CCDC13: variants seen among roughly 807,000 people sequenced by gnomAD.
CCDC13 encodes the protein coiled-coil domain containing 13, also known as coiled-coil domain-containing protein 13.
In CCDC13, 70 loss-of-function variants were observed where a neutral mutation model predicts 87.3. That is an observed-to-expected ratio of 0.80 (90% CI 0.66 to 0.98). CCDC13 has a LOEUF of 0.98. CCDC13 is among the 50% of genes least tolerant of loss of function. The pLI is 0.00. For synonymous variants in CCDC13, 317 were observed against 360.3 expected, an observed-to-expected ratio of 0.88 and a Z score of 1.36; for missense variants, 842 against 892.0, an observed-to-expected ratio of 0.94 and a Z score of 0.71.
At chr3:42,762,431 T>C (rs1699852652) in intron 1 of CCDC13, among the ~76,000 whole-genome samples, 1 of 152,212 alleles carries the variant, frequency 6.6e-6, no homozygotes, top group Non-Finnish European at 1.5e-5. Context: ...TTCCAGTCCA[T>C]GTTAATTAAC....
chr3:42,761,859 T>C (rs917628987), intron 1 of CCDC13, among the ~76,000 whole-genome samples: 1 of 152,216 alleles, frequency 6.6e-6, no homozygotes, highest in Non-Finnish European at 1.5e-5. Flanking sequence ...TAAATCTTGC[T>C]GGTCCTCCTA....
chr3:42,747,395 G>A, intron 5 of CCDC13, 22 bp from the exon 6 acceptor site: 1 of 1,532,662 alleles, frequency 6.5e-7, no homozygotes, highest in Non-Finnish European at 9.0e-7. Flanking sequence ...GGACAGGAGA[G>A]AAAGTAGTCA....
chr3:42,773,028 T>C (rs1559670494), intron 1 of CCDC13, 148 bp downstream of exon 1: 1 of 151,732 alleles, frequency 6.6e-6, no homozygotes, highest in Non-Finnish European at 1.5e-5. Context: ...AGGGGAAGAG[T>C]CCTCGCTGGG....
At chr3:42,711,786 C>A (rs1698319291) in intron 14 of CCDC13, among the ~76,000 whole-genome samples, 1 of 152,164 alleles carries the variant, frequency 6.6e-6, no homozygotes, top group South Asian at 2.1e-4. Flanking sequence ...ACCAGAGGGG[C>A]AGGATTTTGC....
rs759505667 is a variant in CCDC13, at chr3:42,742,958, C to T, written c.925G>A (p.Ala309Thr). The T allele has an allele frequency of 3.0e-5, 49 of 1,614,062 alleles. No individual in the cohort carries two copies. Among genetic ancestry groups the T allele is most frequent in the Non-Finnish European group, 3.9e-5 (46 of 1,180,016 alleles). Residue 309 changes from alanine (A) to threonine (T), a missense_variant, in exon 8 of 16, where the codon GCA becomes ACA. Physicochemically the swap from Ala to Thr is moderately conservative, Grantham distance 58 (BLOSUM62 0). Coordinates refer to ENST00000310232, the MANE Select transcript of CCDC13 (RefSeq NM_144719.4). ...SVYPDPRKLS[A>T]QEKNLLRIRS... Reference sequence around the variant, plus strand: ...ATCCTCAGCAGGTTTTTCTCCTGTGCCGACAGCTTCCTTGGGTCTGGATAG... The same window carrying T: ...ATCCTCAGCAGGTTTTTCTCCTGTGTCGACAGCTTCCTTGGGTCTGGATAG...
At position 42,730,490 on chromosome 3, in the gene CCDC13, C is replaced by G. The variant is rs544603189; in HGVS notation, c.1695G>C (p.Glu565Asp). The change falls in exon 13 of 16, where the codon GAG becomes GAC. Residue 565 changes from glutamate to aspartate, a missense_variant. By Grantham distance (45) the Glu-to-Asp change is conservative. Transcript: ENST00000310232. ...ACCGTTTCTGCAGGACAGTGACAAA[C>G]TCGGTGAGCCGGTCACGCTCCACCT... is the stretch of plus-strand genomic sequence containing the variant. ...AAEVERDRLTEFVTVLQKRVE... is the reference protein window; with the variant it reads ...AAEVERDRLTDFVTVLQKRVE... The G allele has an allele frequency of 1.2e-6, 2 of 1,614,098 alleles. No individual in the cohort carries two copies. The highest frequency in any genetic ancestry group is 8.5e-7 in the Non-Finnish European group (1 of 1,179,944).
chr3:42,742,657 C>G (rs565522605), intron 8 of CCDC13, among the ~76,000 whole-genome samples: 42 of 152,284 alleles, frequency 2.8e-4, no homozygotes, highest in Non-Finnish European at 5.3e-4. Flanking sequence ...ACCTCCAAAA[C>G]AGCCAGGATG....
chr3:42,743,610 C>CACACACACACAT (rs1261467201), intron 7 of CCDC13, among the ~76,000 whole-genome samples: 1,158 of 87,436 alleles, frequency 0.013, 30 homozygotes, highest in African/African-American at 0.053. Context: ...TACACACACA[C>CACACACACACAT]ATATATATAT....
chr3:42,772,226 C>T (rs1370571659), intron 1 of CCDC13, among the ~76,000 whole-genome samples: 1 of 141,146 alleles, frequency 7.1e-6, no homozygotes, highest in African/African-American at 2.7e-5. Flanking sequence ...GCCAAGATCG[C>T]GCTACTGCAC....
chr3:42,741,161 C>G (rs1003864482), intron 8 of CCDC13: 2 of 152,272 alleles, frequency 1.3e-5, no homozygotes, highest in African/African-American at 4.8e-5. Flanking sequence ...TGAACCCACC[C>G]TGTCTCCCTT....
At position 42,733,538 on chromosome 3, in the gene CCDC13, C is replaced by T. The variant is rs200686232; in HGVS notation, c.1443G>A (p.Leu481=). 3.7e-5 allele frequency: 60 copies of T among 1,614,110 alleles called. No homozygotes were observed. The Middle Eastern group carries it at 4.9e-4, about 13-fold the overall frequency. ...GGGACTTGGTCAGGCCTGGGTCCTC[C>T]AGGAACTGGGTATAGGCAGGGCTGA... is the stretch of plus-strand genomic sequence containing the variant. ...REVSPAYTQF[L]EDPGLTKSPA... is the part of the protein sequence containing the mutation. Residue 481 remains leucine, a synonymous_variant, in exon 11 of 16, where the codon CTG becomes CTA. Coordinates refer to ENST00000310232, the MANE Select transcript of CCDC13 (RefSeq NM_144719.4).
At chr3:42,725,090 T>C (rs917311028) in intron 13 of CCDC13, among the ~76,000 whole-genome samples, 2 of 152,190 alleles carry the variant, frequency 1.3e-5, no homozygotes, top group African/African-American at 2.4e-5. Flanking sequence ...ATCCTCACTT[T>C]TGGTCATAGC....
intron 13 of CCDC13, among the ~76,000 whole-genome samples, chr3:42,729,672 C>T (rs1178408783): frequency 6.6e-6 from 1 of 152,246 alleles, no homozygotes; most frequent in Non-Finnish European, 1.5e-5. Flanking sequence ...GGGTTTCCTG[C>T]TACCAAAGAT....
At chr3:42,740,008 C>T (rs1211650093) in intron 8 of CCDC13, among the ~76,000 whole-genome samples, 198 bp from the exon 9 acceptor site, 2 of 152,058 alleles carry the variant, frequency 1.3e-5, no homozygotes, top group African/African-American at 4.8e-5. Context: ...CAGCAGCCTC[C>T]CACCCTTCCC....
At chr3:42,767,486 T>C (rs1292756201) in intron 1 of CCDC13, among the ~76,000 whole-genome samples, 1 of 152,226 alleles carries the variant, frequency 6.6e-6, no homozygotes, top group East Asian at 1.9e-4. Flanking sequence ...GAAGAATGAA[T>C]ATTGTTAAGA....
rs557176378 is a variant in CCDC13 at position 42,705,771 on chromosome 3, C to T, written c.*3209G>A. Among the ~76,000 whole-genome samples, 3 of 152,308 alleles carry T rather than the reference C, an allele frequency of 2.0e-5. No homozygotes were observed. The South Asian group carries it at 6.2e-4, about 32-fold the overall frequency. On this transcript the variant is annotated 3_prime_UTR_variant, in exon 16 of 16. Transcript: ENST00000310232. ...GTACTAACCTGGACAGACCAGCTGC[C>T]TGGCTGTGCACCTGGCCCACCTAAG...
chr3:42,745,630 A>G (rs1266361411), intron 7 of CCDC13: 2 of 216,234 alleles, frequency 9.2e-6, no homozygotes, highest in East Asian at 1.9e-4. Flanking sequence ...ATAAACTAAG[A>G]AAAAAAAAAG....
intron 13 of CCDC13, among the ~76,000 whole-genome samples, chr3:42,715,528 C>A (rs1249471686): frequency 6.6e-6 from 1 of 152,100 alleles, no homozygotes; most frequent in Non-Finnish European, 1.5e-5. Flanking sequence ...AGGAGGACCA[C>A]TTGAGCCTGG....
intron 13 of CCDC13, among the ~76,000 whole-genome samples, chr3:42,721,220 A>G (rs1446214271): frequency 1.3e-5 from 2 of 152,218 alleles, no homozygotes; most frequent in Non-Finnish European, 2.9e-5. Flanking sequence ...TTTCCTAGTC[A>G]ATTGTGGATT....
Sources: gnomAD v4.1 joint callset for allele counts (sites outside exome capture counted in the v4.1 genomes callset) on GRCh38, gnomAD v4.1.1 for gene constraint, MANE v1.5 for transcripts, NCBI Gene and HGNC (gene_info 2026-07-23, HGNC 2026-07-21) for gene names.